Variants in ADAM11 observed in about 807,000 individuals in gnomAD.
The protein encoded by ADAM11 is ADAM metallopeptidase domain 11, also known as disintegrin and metalloproteinase domain-containing protein 11.
In ADAM11, 49 loss-of-function variants were observed where a neutral mutation model predicts 119.1. The ratio of observed to expected loss-of-function variants is 0.41; its 90% CI spans 0.33 to 0.52. The LOEUF is 0.52. Among genes scored for constraint, ADAM11 ranks in the 20% least tolerant of loss-of-function variants. The pLI is 0.20. For synonymous variants in ADAM11, 364 were observed against 408.0 expected (o/e 0.89, Z 1.30); for missense variants, 777 against 1,047.5 (o/e 0.74, Z 3.56).
At chr17:44,764,616 G>A (rs1046220651) in intron 2 of ADAM11, among the ~76,000 whole-genome samples, 9 of 152,200 alleles carry the variant, frequency 5.9e-5, no homozygotes, top group African/African-American at 2.2e-4. Context: ...GTGAGAGGCT[G>A]CACGCTGTGG....
Position 44,778,249 on chromosome 17 carries a change from G to GAC in ADAM11, c.2276+16_2276+17dup. ...GCACGGGCTGGGGATTTAAGTAAGAGACACACACACCCTGTGCCCCCTGGC... is the reference window on the plus strand; with the variant it reads ...GCACGGGCTGGGGATTTAAGTAAGAGACACACACACACCCTGTGCCCCCTGGC... On this transcript the variant is annotated splice_region_variant and intron_variant, in intron 25 of 26. Coordinates refer to ENST00000200557, the MANE Select transcript of ADAM11 (RefSeq NM_002390.6). 1 of 1,611,034 alleles carries GAC rather than the reference G, an allele frequency of 6.2e-7. No individual in the cohort carries two copies. The highest frequency in any genetic ancestry group is 8.5e-7 in the Non-Finnish European group (1 of 1,178,830).
rs1462972004 is a variant in ADAM11 at position 44,772,220 on chromosome 17, G to C, written c.544-47G>C. The stretch of plus-strand genomic sequence containing the variant: ...ATCTGGCCCCCGCCAAGTGGGCCTG[G>C]AGCAGGCCCAGTTGGCACCCCAAGA... On this transcript the variant is annotated intron_variant, in intron 6 of 26. Coordinates refer to ENST00000200557, the MANE Select transcript of ADAM11 (RefSeq NM_002390.6). The surrounding 1 kb of genome is among the most constrained non-coding windows in gnomAD (Gnocchi z 4.5). 1.9e-6 allele frequency: 3 copies of C among 1,543,414 alleles called. No homozygotes were observed. The highest frequency in any genetic ancestry group is 2.7e-6 in the Non-Finnish European group (3 of 1,129,380).
intron 25 of ADAM11, among the ~76,000 whole-genome samples, chr17:44,778,724 GAGAA>G (rs2049644395): frequency 1.7e-5 from 2 of 119,116 alleles, no homozygotes; most frequent in Admixed American, 7.9e-5. Flanking sequence ...GAAAGAAAGA[GAGAA>G]AGAAAAGAAA....
chr17:44,769,573 A>G, intron 2 of ADAM11, 145 bp from the exon 3 acceptor site: 1 of 655,770 alleles, frequency 1.5e-6, no homozygotes, highest in Non-Finnish European at 2.8e-6. Flanking sequence ...GCTTGGACAA[A>G]GCATCTTGCC....
chr17:44,778,713 A>AAGAAAAAAAAAAAG (rs71136047), intron 25 of ADAM11, among the ~76,000 whole-genome samples: 1 of 80,426 alleles, frequency 1.2e-5, no homozygotes, highest in Non-Finnish European at 2.2e-5. Flanking sequence ...AAAAAAAAAA[A>AAGAAAAAAAAAAAG]GAAAGAAAGA....
rs942067780 is a variant in ADAM11 at position 44,779,985 on chromosome 17, G to A, written c.*231G>A. The A allele has an allele frequency of 1.5e-5, 11 of 716,592 alleles. No homozygotes were observed. Among genetic ancestry groups the A allele is most frequent in the African/African-American group, 1.4e-4 (8 of 57,482 alleles). 44.4% of individuals were successfully genotyped at this position (716,592 alleles called of 1,614,324 possible). On this transcript the variant is annotated 3_prime_UTR_variant, in exon 27 of 27. Coordinates refer to ENST00000200557, the MANE Select transcript of ADAM11 (RefSeq NM_002390.6). ...CCACAGTCCCCCACCCACCTCCTGC[G>A]GCTCAGCCTTGCACACCCACTGCCC...
chr17:44,772,173 G>C lies in ADAM11; in HGVS notation c.544-94G>C. ...GTGGCCAGTTCTGGGTCACCCCAGG[G>C]TGGGGTGGAGGCGAGGGCTGGATCT... On this transcript the variant is annotated intron_variant, in intron 6 of 26. Coordinates refer to ENST00000200557, the MANE Select transcript of ADAM11 (RefSeq NM_002390.6). The surrounding 1 kb of genome is among the most constrained non-coding windows in gnomAD (Gnocchi z 4.5). The C allele has an allele frequency of 8.3e-7, 1 of 1,207,020 alleles. No homozygotes were observed. Among genetic ancestry groups the C allele is most frequent in the Non-Finnish European group, 1.2e-6 (1 of 846,080 alleles). 74.8% of individuals were successfully genotyped at this position (1,207,020 alleles called of 1,614,324 possible).
chr17:44,762,606 A>C lies in ADAM11; in HGVS notation c.237+2709A>C, dbSNP rs577409951. 4.6e-5 allele frequency among the ~76,000 whole-genome samples: 7 copies of C among 152,258 alleles called. No homozygotes were observed. In the South Asian group the frequency reaches 8.3e-4, roughly 18 times the overall value. On this transcript the variant is annotated intron_variant, in intron 2 of 26. Transcript: ENST00000200557. ...AGATCTCTGGTCATGTGTCGAGTCC[A>C]GGGGCACATGCTGGCTGGCAGGGCC...
chr17:44,772,229 C>T lies in ADAM11; in HGVS notation c.544-38C>T. Reference sequence around the variant, plus strand: ...CCGCCAAGTGGGCCTGGAGCAGGCCCAGTTGGCACCCCAAGAACTAATTTC... The same window carrying T: ...CCGCCAAGTGGGCCTGGAGCAGGCCTAGTTGGCACCCCAAGAACTAATTTC... On this transcript the variant is annotated intron_variant, in intron 6 of 26. Coordinates refer to ENST00000200557, the MANE Select transcript of ADAM11 (RefSeq NM_002390.6). This position sits in a 1 kb window ranked among gnomAD's most constrained non-coding sequence, Gnocchi z 4.5. 1 of 1,578,562 alleles carries T rather than the reference C, an allele frequency of 6.3e-7. No homozygotes were observed. The highest frequency in any genetic ancestry group is 8.6e-7 in the Non-Finnish European group (1 of 1,157,072).
In ADAM11 at chr17:44,759,900, G is replaced by A. The variant is rs1414437235; in HGVS notation, c.237+3G>A. Reference sequence around the variant, plus strand: ...GCCAGGAGCCACCAGGGGGCCCGGTGAGTGGGGCTGGGTGGTGAGGCCAGG... The same window carrying A: ...GCCAGGAGCCACCAGGGGGCCCGGTAAGTGGGGCTGGGTGGTGAGGCCAGG... On this transcript the variant is annotated splice_donor_region_variant and intron_variant, in intron 2 of 26. Coordinates refer to ENST00000200557, the MANE Select transcript of ADAM11 (RefSeq NM_002390.6). 5 of 1,289,870 alleles carry A rather than the reference G, an allele frequency of 3.9e-6. No individual in the cohort carries two copies. The highest frequency in any genetic ancestry group is 4.9e-6 in the Non-Finnish European group (5 of 1,011,768). The allele number at this position is 1,289,870 out of a possible 1,614,324, so 79.9% of individuals were successfully genotyped here.
In ADAM11 at chr17:44,773,529, G is replaced by A; in HGVS notation, c.992+102G>A. 7.0e-7 allele frequency: 1 copy of A among 1,427,622 alleles called. No individual in the cohort carries two copies. Among genetic ancestry groups the A allele is most frequent in the Non-Finnish European group, 9.4e-7 (1 of 1,066,086 alleles). 88.4% of individuals were successfully genotyped at this position (1,427,622 alleles called of 1,614,324 possible). ...GTGCTGGCTGCTCCTCTCAGAGTCT[G>A]GGGACTGGGCTCACCTTGCACCTGC... On this transcript the variant is annotated intron_variant, in intron 11 of 26. Transcript: ENST00000200557. The surrounding 1 kb of genome is among the most constrained non-coding windows in gnomAD (Gnocchi z 4.6).
intron 2 of ADAM11, among the ~76,000 whole-genome samples, chr17:44,761,654 G>A (rs576928303): frequency 1.3e-5 from 2 of 152,208 alleles, no homozygotes; most frequent in East Asian, 1.9e-4. Context: ...AGACTTCCTA[G>A]GGCCCTCATG....
chr17:44,772,922 C>T lies in ADAM11; in HGVS notation c.744C>T (p.Asp248=). The change falls in exon 9 of 27, where the codon GAC becomes GAT. Residue 248 remains aspartate, a synonymous_variant. Coordinates refer to ENST00000200557, the MANE Select transcript of ADAM11 (RefSeq NM_002390.6). This position sits in a 1 kb window ranked among gnomAD's most constrained non-coding sequence, Gnocchi z 4.5. ...TKYVELIVIN[D]HQLFEQMRQS... ...ATGTGGAGCTAATTGTGATCAACGA[C>T]CACCAGCTGGTGAGTGCCAGGGCAG... 1.2e-6 allele frequency: 2 copies of T among 1,614,186 alleles called. No individual in the cohort carries two copies. Among genetic ancestry groups the T allele is most frequent in the South Asian group, 1.1e-5 (1 of 91,086 alleles).
At chr17:44,771,512 C>T (rs1025978109) in intron 4 of ADAM11, 72 bp from the exon 5 acceptor site, 2 of 1,486,832 alleles carry the variant, frequency 1.3e-6, no homozygotes, top group African/African-American at 2.8e-5. Context: ...CAGTGTCCCC[C>T]AAAAAGCCTT....
In ADAM11 at chr17:44,779,886, G is replaced by T. The variant is rs752936132; in HGVS notation, c.*132G>T. On this transcript the variant is annotated 3_prime_UTR_variant, in exon 27 of 27. Transcript: ENST00000200557. ...TCCAAACCCTTCAACTCCTGGCTCC[G>T]CAGGGGTTTGGGTGGGGGCTGTGGC... 23 of 1,324,270 alleles carry T rather than the reference G, an allele frequency of 1.7e-5. No individual in the cohort carries two copies. The South Asian group carries it at 2.6e-4, about 15-fold the overall frequency. 82.0% of individuals were successfully genotyped at this position (1,324,270 alleles called of 1,614,324 possible). A position where few individuals can be genotyped will look rare whatever the true frequency, so the allele number is the denominator to read the frequency against.
At chr17:44,770,187 C>G (rs2049502997) in intron 4 of ADAM11, 139 bp downstream of exon 4, 2 of 1,062,828 alleles carry the variant, frequency 1.9e-6, no homozygotes, top group Non-Finnish European at 2.7e-6. Context: ...TCCCTCTCTC[C>G]CGACCCAGGA....
chr17:44,774,648 G>T, intron 13 of ADAM11, 50 bp from the exon 14 acceptor site: 3 of 1,596,886 alleles, frequency 1.9e-6, no homozygotes, highest in Non-Finnish European at 1.7e-6. Context: ...GGGTGACAGT[G>T]GGAGGGGTGG....
Position 44,765,688 on chromosome 17 carries a change from TTGGCTCACTG to T in ADAM11, c.238-4029_238-4020del, listed in dbSNP as rs1243652292. On this transcript the variant is annotated intron_variant, in intron 2 of 26. Coordinates refer to ENST00000200557, the MANE Select transcript of ADAM11 (RefSeq NM_002390.6). ...CAGGCTGGAGTGCAGTGGCACGATC[TTGGCTCACTG>T]CAACCTCCGCCTCCCGGGTTCAAGC... Among the ~76,000 whole-genome samples the T allele has an allele frequency of 3.5e-5, 5 of 144,526 alleles. No individual in the cohort carries two copies. The East Asian group carries it at 6.2e-4, about 18-fold the overall frequency. The allele number at this position is 144,526 out of a possible 152,430, so 94.8% of individuals were successfully genotyped here. A position where few individuals can be genotyped will look rare whatever the true frequency, so the allele number is the denominator to read the frequency against.
chr17:44,763,581 TCA>T (rs2049414119), intron 2 of ADAM11, among the ~76,000 whole-genome samples: 1 of 152,208 alleles, frequency 6.6e-6, no homozygotes, highest in Non-Finnish European at 1.5e-5. Context: ...GTGGTGCAGG[TCA>T]GGCAAGACTA....
Sources: gnomAD v4.1 joint callset for allele counts (sites outside exome capture counted in the v4.1 genomes callset) on GRCh38, gnomAD v4.1.1 for gene constraint, Gnocchi (gnomAD v3.1) non-coding constraint, MANE v1.5 for transcripts, NCBI Gene and HGNC (gene_info 2026-07-23, HGNC 2026-07-21) for gene names.